Variants in TCERG1 observed in about 807,000 individuals in gnomAD.
TCERG1 encodes the protein TATA box binding protein (TBP)-associated factor, RNA polymerase II, S, 150kD.
A neutral mutation model predicts 144.7 loss-of-function variants in TCERG1; 37 were observed. That is an observed-to-expected ratio of 0.26 (90% CI 0.20 to 0.34). The LOEUF is 0.34. TCERG1 is among the 10% of genes least tolerant of loss of function. The pLI, the probability that TCERG1 is intolerant of heterozygous loss-of-function variation, is 1.00. For synonymous variants in TCERG1, 492 were observed against 458.2 expected (o/e 1.07, Z -0.94); for missense variants, 1,027 against 1,380.7 (o/e 0.74, Z 4.06).
intron 22 of TCERG1, among the ~76,000 whole-genome samples, 159 bp downstream of exon 22, chr5:146,509,404 C>T (rs915345733): frequency 6.7e-6 from 1 of 148,866 alleles, no homozygotes; most frequent in Non-Finnish European, 1.5e-5. Flanking sequence ...CAGCCCATAT[C>T]TACCATACTT....
At position 146,498,584 on chromosome 5, in the gene TCERG1, C is replaced by T; in HGVS notation, c.2331C>T (p.Phe777=). 2.5e-6 allele frequency: 4 copies of T among 1,609,576 alleles called. No individual in the cohort carries two copies. The highest frequency in any genetic ancestry group is 3.4e-6 in the Non-Finnish European group (4 of 1,177,998). Residue 777 remains phenylalanine, a synonymous_variant, in exon 17 of 23, where the codon TTC becomes TTT. Transcript: ENST00000679501. ...FAAKHAKDSR[F]KAIEKMKDRE... ...CCAAGCATGCTAAAGATTCAAGATT[C>T]AAAGCAATTGAAAAGATGAAAGACC...
In TCERG1 at chr5:146,476,246, C is replaced by T. The variant is rs1764829212; in HGVS notation, c.1602-2247C>T. 2.0e-5 allele frequency among the ~76,000 whole-genome samples: 3 copies of T among 152,272 alleles called. No homozygotes were observed. In the South Asian group the frequency reaches 6.2e-4, roughly 32 times the overall value. On this transcript the variant is annotated intron_variant, in intron 9 of 22. Coordinates refer to ENST00000679501, the MANE Select transcript of TCERG1 (RefSeq NM_001382548.1). Reference sequence around the variant, plus strand: ...TTCAAAGATACAGCATGAGTTGATACCATTACTTGCCATTTAGATCTACCT... The same window carrying T: ...TTCAAAGATACAGCATGAGTTGATATCATTACTTGCCATTTAGATCTACCT...
At chr5:146,483,712 T>C in intron 15 of TCERG1, 83 bp downstream of exon 15, 1 of 1,015,066 alleles carries the variant, frequency 9.9e-7, no homozygotes, top group South Asian at 1.7e-5. Flanking sequence ...GTACCATCCC[T>C]TTTTTTTCTG....
intron 22 of TCERG1, chr5:146,510,177 A>G: frequency 9.3e-7 from 1 of 1,072,750 alleles, no homozygotes; most frequent in Non-Finnish European, 1.3e-6. Flanking sequence ...CACGGGCAAG[A>G]TTTACCCACC....
intron 5 of TCERG1, 32 bp downstream of exon 5, chr5:146,463,825 C>T (rs2150322525): frequency 6.2e-7 from 1 of 1,612,682 alleles, no homozygotes; most frequent in East Asian, 2.2e-5. Flanking sequence ...GTCTTTCCAG[C>T]TATGTTTTCA....
Position 146,478,642 on chromosome 5 carries a change from T to G in TCERG1, c.1751T>G (p.Leu584Trp), listed in dbSNP as rs1163417669. The G allele has an allele frequency of 6.3e-7, 1 of 1,584,500 alleles. No homozygotes were observed. The highest frequency in any genetic ancestry group is 8.5e-7 in the Non-Finnish European group (1 of 1,171,402). The change falls in exon 10 of 23, where the codon TTG becomes TGG. Residue 584 changes from leucine to tryptophan, a missense_variant. Physicochemically the swap from Leu to Trp is moderately conservative, Grantham distance 61 (BLOSUM62 -2). Around this residue, in one of 6 missense-constraint regions of TCERG1, gnomAD observed 482 missense variants for 632.6 expected, o/e 0.76. Coordinates refer to ENST00000679501, the MANE Select transcript of TCERG1 (RefSeq NM_001382548.1). ...EPPHKKGMEE[L>W]KKLRHPTPTM... ...CCTCATAAAAAAGGAATGGAGGAAT[T>G]GAAGAAACTAAGTAAGTTTTAAATT...
chr5:146,500,885 G>A (rs1767364769), intron 17 of TCERG1, among the ~76,000 whole-genome samples: 2 of 151,828 alleles, frequency 1.3e-5, no homozygotes, highest in African/African-American at 4.8e-5. Context: ...ATGTGCTTCT[G>A]TAGTTCCAGT....
chr5:146,454,037 C>CAAAAAAAAAAAAAAAAAA (rs56657111), intron 1 of TCERG1, among the ~76,000 whole-genome samples: 1 of 129,838 alleles, frequency 7.7e-6, no homozygotes, highest in African/African-American at 3.0e-5. Context: ...TACTCAAATA[C>CAAAAAAAAAAAAAAAAAA]AAAAAAAAAA....
intron 15 of TCERG1, among the ~76,000 whole-genome samples, chr5:146,486,090 G>A (rs73793188): frequency 6.6e-6 from 1 of 151,970 alleles, no homozygotes; most frequent in Non-Finnish European, 1.5e-5. Context: ...AAATAAACAC[G>A]TTTTTTGAAT....
intron 19 of TCERG1, among the ~76,000 whole-genome samples, chr5:146,505,176 G>A (rs1767852654): frequency 6.6e-6 from 1 of 151,832 alleles, no homozygotes; most frequent in South Asian, 2.1e-4. Flanking sequence ...GAGCCATCCT[G>A]AGTTGCATGT....
intron 12 of TCERG1, among the ~76,000 whole-genome samples, 173 bp from the exon 13 acceptor site, chr5:146,480,977 A>T (rs1389618718): frequency 7.0e-6 from 1 of 143,156 alleles, no homozygotes; most frequent in Non-Finnish European, 1.6e-5. Context: ...CTTTTTTTTT[A>T]AAAAAAAAAA....
chr5:146,507,662 T>G lies in TCERG1; in HGVS notation c.2962-211T>G. 1 of 435,864 alleles carries G rather than the reference T, an allele frequency of 2.3e-6. No individual in the cohort carries two copies. The allele number at this position is 435,864 out of a possible 1,614,324, so 27.0% of individuals were successfully genotyped here. On this transcript the variant is annotated intron_variant, in intron 20 of 22. Transcript: ENST00000679501. The surrounding 1 kb of genome is among the most constrained non-coding windows in gnomAD (Gnocchi z 4.6). ...TGCAGGTGATTGTCTTAGGCCACCTTGAAAGTATGGCCATGAAAATAACTC... is the reference window on the plus strand; with the variant it reads ...TGCAGGTGATTGTCTTAGGCCACCTGGAAAGTATGGCCATGAAAATAACTC...
intron 6 of TCERG1, among the ~76,000 whole-genome samples, chr5:146,469,242 G>T (rs1297777595): frequency 6.6e-6 from 1 of 152,200 alleles, no homozygotes; most frequent in South Asian, 2.1e-4. Context: ...CATAAGTAGA[G>T]AATATACCAT....
chr5:146,509,032 T>C, intron 21 of TCERG1, 113 bp from the exon 22 acceptor site: 3 of 506,342 alleles, frequency 5.9e-6, no homozygotes, highest in Non-Finnish European at 9.9e-6. Flanking sequence ...TTCTTTTGAA[T>C]TTTAAATTTT....
intron 22 of TCERG1, 80 bp from the exon 23 acceptor site, chr5:146,510,361 T>A: frequency 6.6e-6 from 6 of 911,442 alleles, no homozygotes; most frequent in Non-Finnish European, 1.0e-5. Flanking sequence ...AATTAGGAAC[T>A]AGATGGACAT....
chr5:146,478,466 A>AGAAT, intron 9 of TCERG1, 27 bp from the exon 10 acceptor site: 1 of 1,552,832 alleles, frequency 6.4e-7, no homozygotes, highest in Non-Finnish European at 8.7e-7. Context: ...GTAACATAAG[A>AGAAT]GAATGATATT....
chr5:146,510,724 G>GGT lies in TCERG1; in HGVS notation c.*82_*83insGT. On this transcript the variant is annotated 3_prime_UTR_variant, in exon 23 of 23. Transcript: ENST00000679501. ...CAGGTTTTTACATATATGTGCATTA[G>GGT]TCAACCTATTGCGAAACCATCTGAC... The GGT allele has an allele frequency of 7.3e-7, 1 of 1,373,610 alleles. No individual in the cohort carries two copies. Among genetic ancestry groups the GGT allele is most frequent in the Non-Finnish European group, 9.9e-7 (1 of 1,009,398 alleles). The allele number at this position is 1,373,610 out of a possible 1,614,324, so 85.1% of individuals were successfully genotyped here.
chr5:146,489,272 T>C (rs550836314), intron 15 of TCERG1, among the ~76,000 whole-genome samples: 23 of 152,320 alleles, frequency 1.5e-4, no homozygotes, highest in African/African-American at 5.0e-4. Context: ...CTACATGATA[T>C]GTATTTAAAC....
At chr5:146,506,980 A>T in intron 19 of TCERG1, 48 bp from the exon 20 acceptor site, 1 of 1,460,372 alleles carries the variant, frequency 6.8e-7, no homozygotes, top group Non-Finnish European at 9.1e-7. Flanking sequence ...GCAAATGGAC[A>T]TTCAGATAAG....
Sources: allele counts gnomAD v4.1 joint callset (sites outside exome capture counted in the v4.1 genomes callset), GRCh38; gene constraint gnomAD v4.1.1; regional missense constraint gnomAD v4.1.1; non-coding constraint Gnocchi (gnomAD v3.1); transcripts MANE v1.5; gene names NCBI Gene and HGNC (gene_info 2026-07-23, HGNC 2026-07-21).